The following MARCHF1 variants were observed in gnomAD, a reference collection of about 807,000 sequenced individuals.
The protein encoded by MARCHF1 is membrane associated ring-CH-type finger 1, also known as E3 ubiquitin-protein ligase MARCHF1.
Under a neutral mutation model 54.2 loss-of-function variants are expected in MARCHF1, and 40 were observed. That is an observed-to-expected ratio of 0.74 (90% CI 0.57 to 0.96). The LOEUF is 0.96. Among genes scored for constraint, MARCHF1 ranks in the 40% least tolerant of loss-of-function variants. The pLI is 0.00. For synonymous variants in MARCHF1, 236 were observed against 236.3 expected (o/e 1.00, Z 0.01); for missense variants, 586 against 656.5 (o/e 0.89, Z 1.17).
Position 164,360,113 on chromosome 4 carries a change from C to T in MARCHF1, c.-323+23757G>A, listed in dbSNP as rs560664119. 8.5e-5 allele frequency among the ~76,000 whole-genome samples: 13 copies of T among 152,126 alleles called. No individual in the cohort carries two copies. The South Asian group carries it at 2.3e-3, about 27-fold the overall frequency. On this transcript the variant is annotated intron_variant, in intron 1 of 9. Transcript: ENST00000514618. ...ATCTCATTCATTGTCCTTGTGTAAT[C>T]GTTAACAAGAGCATCACAAAAATTT...
intron 1 of MARCHF1, among the ~76,000 whole-genome samples, chr4:164,251,803 G>A (rs181771957): frequency 7.9e-5 from 12 of 152,088 alleles, no homozygotes; most frequent in African/African-American, 2.4e-4. Context: ...ATCTCAATGG[G>A]TGGAAATAAA....
intron 4 of MARCHF1, among the ~76,000 whole-genome samples, chr4:163,785,230 C>T (rs34042012): frequency 1.2e-3 from 185 of 152,158 alleles, no homozygotes; most frequent in Middle Eastern, 3.4e-3. Flanking sequence ...TTGAAGATCT[C>T]CATAGTCACA....
chr4:163,983,850 G>T (rs1752808079), intron 3 of MARCHF1, among the ~76,000 whole-genome samples: 1 of 151,998 alleles, frequency 6.6e-6, no homozygotes, highest in South Asian at 2.1e-4. Context: ...TAACTGTAAA[G>T]AAAAAATGTA....
chr4:163,967,412 G>T (rs945361758), intron 3 of MARCHF1, among the ~76,000 whole-genome samples: 8 of 152,256 alleles, frequency 5.3e-5, no homozygotes, highest in Admixed American at 1.3e-4. Context: ...TTTTAACTTT[G>T]AAGATATGTT....
intron 1 of MARCHF1, among the ~76,000 whole-genome samples, chr4:164,265,594 T>C (rs1396867682): frequency 6.6e-6 from 1 of 151,672 alleles, no homozygotes; most frequent in South Asian, 2.1e-4. Context: ...TATGACTCAA[T>C]TGTTTGTACT....
intron 1 of MARCHF1, among the ~76,000 whole-genome samples, chr4:164,242,677 T>C (rs201279211): frequency 6.6e-6 from 1 of 152,122 alleles, no homozygotes; most frequent in Non-Finnish European, 1.5e-5. Context: ...ATCAAATTAC[T>C]CTGAGCTACG....
Position 163,633,181 on chromosome 4 carries a change from CA to C in MARCHF1, c.163-19789del, listed in dbSNP as rs1742173752. 2.6e-5 allele frequency among the ~76,000 whole-genome samples: 4 copies of C among 152,310 alleles called. No individual in the cohort carries two copies. In the South Asian group the frequency reaches 8.3e-4, roughly 32 times the overall value. ...CAGAAAAACTGGAAACTCTAAAAAT[CA>C]GAGCGCCTCTCCTCCTCCAACGGAA... On this transcript the variant is annotated intron_variant, in intron 5 of 9. Transcript: ENST00000514618.
intron 1 of MARCHF1, among the ~76,000 whole-genome samples, chr4:164,199,724 G>A (rs999177087): frequency 1.3e-5 from 2 of 148,214 alleles, no homozygotes; most frequent in Non-Finnish European, 3.0e-5. Flanking sequence ...GAGAGGAGAA[G>A]AGAAGATAAA....
At chr4:163,705,076 G>A (rs1321293634) in intron 4 of MARCHF1, among the ~76,000 whole-genome samples, 1 of 151,590 alleles carries the variant, frequency 6.6e-6, no homozygotes, top group Admixed American at 6.6e-5. Context: ...CCCAGAATTT[G>A]TTCAAGAAAA....
chr4:164,351,828 A>G (rs1171957892), intron 1 of MARCHF1, among the ~76,000 whole-genome samples: 1 of 151,964 alleles, frequency 6.6e-6, no homozygotes, highest in Non-Finnish European at 1.5e-5. Context: ...ACGGGAGGAC[A>G]TTCAAACCAA....
At chr4:164,301,017 A>AG (rs11422888) in intron 1 of MARCHF1, among the ~76,000 whole-genome samples, 132,465 of 152,072 alleles carry the variant, frequency 0.87, 57,824 homozygotes, top group East Asian at 0.98. Flanking sequence ...CAGCATGTTT[A>AG]GTTGCCTAGC....
At chr4:163,902,911 C>T (rs1272840504) in intron 3 of MARCHF1, among the ~76,000 whole-genome samples, 1 of 152,136 alleles carries the variant, frequency 6.6e-6, no homozygotes, top group Non-Finnish European at 1.5e-5. Context: ...CCATTGTCTT[C>T]CTTCTCCAGT....
At chr4:163,959,330 CA>C (rs72185948) in intron 3 of MARCHF1, among the ~76,000 whole-genome samples, 16,516 of 149,298 alleles carry the variant, frequency 0.11, 967 homozygotes, top group Non-Finnish European at 0.12. Flanking sequence ...ACAACAACAA[CA>C]AAAAAAAAAA....
chr4:163,801,600 C>T (rs1748082842), intron 4 of MARCHF1, among the ~76,000 whole-genome samples: 1 of 152,030 alleles, frequency 6.6e-6, no homozygotes, highest in African/African-American at 2.4e-5. Flanking sequence ...TGAAATTTTA[C>T]ATTCCTATAT....
intron 3 of MARCHF1, among the ~76,000 whole-genome samples, chr4:163,915,788 G>A (rs953330177): frequency 6.6e-6 from 1 of 152,118 alleles, no homozygotes; most frequent in Non-Finnish European, 1.5e-5. Flanking sequence ...GGGTGTTGTT[G>A]TTAGAGCAGT....
At chr4:164,021,760 G>A (rs957101115) in intron 2 of MARCHF1, among the ~76,000 whole-genome samples, 1 of 151,832 alleles carries the variant, frequency 6.6e-6, no homozygotes, top group African/African-American at 2.4e-5. Flanking sequence ...AGGAGATGCG[G>A]ACAGAATTGC....
At chr4:163,578,890 T>C (rs1158971488) in intron 8 of MARCHF1, among the ~76,000 whole-genome samples, 2 of 152,184 alleles carry the variant, frequency 1.3e-5, no homozygotes, top group African/African-American at 2.4e-5. Context: ...TTTAATAAAC[T>C]GGGCATGATT....
chr4:164,329,741 G>T (rs1009426772), intron 1 of MARCHF1, among the ~76,000 whole-genome samples: 4 of 152,138 alleles, frequency 2.6e-5, no homozygotes, highest in African/African-American at 9.7e-5. Flanking sequence ...CAGGGAGAGA[G>T]TGGACAGGGA....
At chr4:164,382,448 C>G (rs1200967411) in intron 1 of MARCHF1, among the ~76,000 whole-genome samples, 1 of 151,992 alleles carries the variant, frequency 6.6e-6, no homozygotes, top group African/African-American at 2.4e-5. Flanking sequence ...ACTGGTATAC[C>G]AAGAATCTCC....
Sources: gnomAD v4.1 joint callset for allele counts (sites outside exome capture counted in the v4.1 genomes callset) on GRCh38, gnomAD v4.1.1 for gene constraint, MANE v1.5 for transcripts, NCBI Gene and HGNC (gene_info 2026-07-23, HGNC 2026-07-21) for gene names.